SLIT3: variants seen among roughly 807,000 people sequenced by gnomAD.
SLIT3 encodes the protein slit guidance ligand 3, also known as slit homolog 3 protein.
SLIT3 carries 68 observed loss-of-function variants against 184.0 expected under a neutral mutation model. The observed-to-expected ratio is 0.37, with a 90% confidence interval of 0.30 to 0.45. The LOEUF is 0.45. SLIT3 is among the 20% of genes least tolerant of loss of function. The pLI is 1.00. For synonymous variants in SLIT3, 831 were observed against 828.6 expected (o/e 1.00, Z -0.05); for missense variants, 1,707 against 2,026.0 (o/e 0.84, Z 3.02).
At chr5:168,871,066 G>A (rs186039668) in intron 5 of SLIT3, among the ~76,000 whole-genome samples, 72 of 152,308 alleles carry the variant, frequency 4.7e-4, no homozygotes, top group Admixed American at 1.9e-3. Context: ...CACTGTGCTC[G>A]TGTCAAGGTG....
chr5:168,865,993 C>A (rs1759286065), intron 5 of SLIT3, among the ~76,000 whole-genome samples: 1 of 152,332 alleles, frequency 6.6e-6, no homozygotes, highest in Non-Finnish European at 1.5e-5. Flanking sequence ...GCTTGACCTT[C>A]CCATCTACCC....
chr5:168,719,545 A>G (rs1450038508), intron 23 of SLIT3, among the ~76,000 whole-genome samples: 9 of 152,178 alleles, frequency 5.9e-5, no homozygotes, highest in Non-Finnish European at 8.8e-5. Context: ...ACTTTCCCAC[A>G]TTGCTATCTA....
chr5:168,938,605 T>C (rs1762235434), intron 4 of SLIT3, among the ~76,000 whole-genome samples: 1 of 152,218 alleles, frequency 6.6e-6, no homozygotes, highest in African/African-American at 2.4e-5. Flanking sequence ...CTTCCCCTTC[T>C]GCCTTATCCT....
At chr5:169,144,846 G>A (rs868260757) in intron 4 of SLIT3, among the ~76,000 whole-genome samples, 32 of 152,180 alleles carry the variant, frequency 2.1e-4, no homozygotes, top group Middle Eastern at 3.2e-3. Flanking sequence ...CAGCAGTTAC[G>A]AATTGAGAAA....
intron 4 of SLIT3, among the ~76,000 whole-genome samples, chr5:169,165,509 G>A (rs546145464): frequency 2.0e-5 from 3 of 152,272 alleles, no homozygotes; most frequent in Non-Finnish European, 4.4e-5. Flanking sequence ...TTCTAAGTGC[G>A]TTACATTTAT....
At chr5:168,793,638 C>G (rs1756463635) in intron 10 of SLIT3, among the ~76,000 whole-genome samples, 3 of 152,164 alleles carry the variant, frequency 2.0e-5, no homozygotes, top group African/African-American at 7.2e-5. Context: ...GGAGAAGGAA[C>G]AGTAAAACAT....
chr5:168,683,738 C>T (rs1242880008), intron 32 of SLIT3, among the ~76,000 whole-genome samples: 1 of 152,224 alleles, frequency 6.6e-6, no homozygotes. Context: ...GATGAGGTGT[C>T]ACCTCCCCTC....
intron 26 of SLIT3, among the ~76,000 whole-genome samples, chr5:168,702,502 G>T (rs182253640): frequency 6.6e-6 from 1 of 152,076 alleles, no homozygotes. Context: ...CACACAGATG[G>T]GAGTGCACAT....
At chr5:168,743,990 G>A (rs550308025) in intron 20 of SLIT3, among the ~76,000 whole-genome samples, 1 of 152,152 alleles carries the variant, frequency 6.6e-6, no homozygotes, top group African/African-American at 2.4e-5. Context: ...TGGTTCATGA[G>A]GTTTAAGAAA....
intron 6 of SLIT3, among the ~76,000 whole-genome samples, chr5:168,843,897 C>T (rs1263724400): frequency 6.6e-6 from 1 of 152,184 alleles, no homozygotes; most frequent in Non-Finnish European, 1.5e-5. Context: ...AGAAAGGCAG[C>T]TACACATTCT....
Position 168,970,018 on chromosome 5 carries a change from G to A in SLIT3, c.414-86682C>T, listed in dbSNP as rs866484663. ...AACACGGTGAAACCCCTTCTCTACT[G>A]AAAATACAAAAAATTAGCCGGGTGT... On this transcript the variant is annotated intron_variant, in intron 4 of 35. Coordinates refer to ENST00000519560, the MANE Select transcript of SLIT3 (RefSeq NM_003062.4). 8.5e-5 allele frequency among the ~76,000 whole-genome samples: 13 copies of A among 152,108 alleles called. No homozygotes were observed. The South Asian group carries it at 2.5e-3, about 29-fold the overall frequency.
chr5:168,857,151 G>T (rs1397516409), intron 5 of SLIT3, among the ~76,000 whole-genome samples: 1 of 152,088 alleles, frequency 6.6e-6, no homozygotes, highest in Non-Finnish European at 1.5e-5. Context: ...GCAAAGGCCA[G>T]CTCTACCCAC....
chr5:169,139,592 C>G (rs559005274), intron 4 of SLIT3, among the ~76,000 whole-genome samples: 23 of 152,334 alleles, frequency 1.5e-4, no homozygotes, highest in African/African-American at 4.8e-4. Flanking sequence ...GCCCACCCCC[C>G]CAGGGGCTCC....
chr5:168,776,627 C>T (rs993150046), intron 12 of SLIT3, among the ~76,000 whole-genome samples: 2 of 152,128 alleles, frequency 1.3e-5, no homozygotes, highest in Admixed American at 6.5e-5. Flanking sequence ...TCTTGTCTAC[C>T]CATCCTATCG....
chr5:169,289,119 T>C (rs1225358033), intron 1 of SLIT3, among the ~76,000 whole-genome samples: 2 of 152,182 alleles, frequency 1.3e-5, no homozygotes, highest in African/African-American at 4.8e-5. Flanking sequence ...TAGATGAGAC[T>C]ATGGAGACCG....
chr5:169,221,709 G>A (rs753332440), intron 3 of SLIT3, among the ~76,000 whole-genome samples: 5 of 152,000 alleles, frequency 3.3e-5, no homozygotes, highest in Non-Finnish European at 7.4e-5. Flanking sequence ...TGACTCCCCC[G>A]CCAGCCATCA....
intron 1 of SLIT3, among the ~76,000 whole-genome samples, chr5:169,280,939 A>T (rs965217101): frequency 4.6e-5 from 7 of 152,196 alleles, no homozygotes; most frequent in African/African-American, 1.7e-4. Context: ...AACTGGACAG[A>T]TGAGATCAAT....
At chr5:169,016,584 T>G (rs909886198) in intron 4 of SLIT3, among the ~76,000 whole-genome samples, 1 of 152,242 alleles carries the variant, frequency 6.6e-6, no homozygotes, top group Non-Finnish European at 1.5e-5. Flanking sequence ...CATGTAATTC[T>G]TATTTACTGA....
At chr5:169,165,058 A>T (rs1762591413) in intron 4 of SLIT3, among the ~76,000 whole-genome samples, 2 of 152,244 alleles carry the variant, frequency 1.3e-5, no homozygotes, top group Admixed American at 1.3e-4. Context: ...GAGCCAACAT[A>T]TATAGGCAAA....
Sources: gnomAD v4.1 joint callset for allele counts (sites outside exome capture counted in the v4.1 genomes callset) on GRCh38, gnomAD v4.1.1 for gene constraint, MANE v1.5 for transcripts, NCBI Gene and HGNC (gene_info 2026-07-23, HGNC 2026-07-21) for gene names.